Variants in IFT46 observed in about 807,000 individuals in gnomAD.
IFT46 encodes intraflagellar transport 46.
A neutral mutation model predicts 39.6 loss-of-function variants in IFT46; 19 were observed. The observed-to-expected ratio is 0.48, with a 90% CI of 0.33 to 0.70. The LOEUF is 0.70. Among genes scored for constraint, IFT46 ranks in the 30% least tolerant of loss-of-function variants. IFT46 has a pLI of 0.01. For synonymous variants in IFT46, 117 were observed against 134.8 expected (o/e 0.87, Z 0.91); for missense variants, 334 against 364.8 (o/e 0.92, Z 0.69).
intron 7 of IFT46, among the ~76,000 whole-genome samples, 157 bp downstream of exon 7, chr11:118,554,302 C>T (rs1395912516): frequency 2.0e-5 from 3 of 152,058 alleles, no homozygotes; most frequent in African/African-American, 4.8e-5. Flanking sequence ...ATGATCCACC[C>T]GCCTCGGCCT....
At chr11:118,557,754 C>T (rs1299810381) in intron 3 of IFT46, 11 of 1,614,006 alleles carry the variant, frequency 6.8e-6, no homozygotes, top group Middle Eastern at 1.7e-4. Context: ...GTGCTTCTGG[C>T]TCTCTCTGTA....
At chr11:118,548,254 T>G (rs1951741405) in intron 9 of IFT46, among the ~76,000 whole-genome samples, 2 of 151,250 alleles carry the variant, frequency 1.3e-5, no homozygotes, top group African/African-American at 4.9e-5. Flanking sequence ...CATACATATA[T>G]AAAATATTTT....
At chr11:118,571,291 CTAAA>C (rs1938330701) in intron 1 of IFT46, among the ~76,000 whole-genome samples, 1 of 152,170 alleles carries the variant, frequency 6.6e-6, no homozygotes, top group Non-Finnish European at 1.5e-5. Context: ...CTTTTTGTGA[CTAAA>C]TAATATTCCA....
At chr11:118,555,393 T>A in intron 4 of IFT46, 71 bp from the exon 5 acceptor site, 3 of 1,111,516 alleles carry the variant, frequency 2.7e-6, no homozygotes, top group Non-Finnish European at 4.1e-6. Flanking sequence ...TAGGTGCTGG[T>A]GTGTTACTGA....
intron 2 of IFT46, 161 bp from the exon 3 acceptor site, chr11:118,560,025 C>A: frequency 1.6e-6 from 1 of 607,116 alleles, no homozygotes; most frequent in South Asian, 2.1e-5. Flanking sequence ...CATGGCTCTG[C>A]CAGTTCAATT....
intron 8 of IFT46, 22 bp from the exon 9 acceptor site, chr11:118,551,874 T>G: frequency 6.2e-7 from 1 of 1,608,102 alleles, no homozygotes; most frequent in Non-Finnish European, 8.5e-7. Flanking sequence ...AAGGTAAATA[T>G]GAACAAGAAA....
At position 118,557,582 on chromosome 11, in the gene IFT46, G is replaced by A. The variant is rs112169372; in HGVS notation, c.46-537C>T. The stretch of plus-strand genomic sequence containing the variant: ...GTGCCCATCAAACCAGCAGTCCCAG[G>A]GACTATGGACTTTCCATTTTTGTTC... On this transcript the variant is annotated intron_variant, in intron 3 of 11. Coordinates refer to ENST00000264021, the MANE Select transcript of IFT46 (RefSeq NM_001168618.2). 2,734 of 849,350 alleles carry A rather than the reference G, an allele frequency of 3.2e-3. 48 individuals are homozygous for A. In the African/African-American group the frequency reaches 0.038, roughly 12 times the overall value. The allele number at this position is 849,350 out of a possible 1,614,324, so 52.6% of individuals were successfully genotyped here.
intron 9 of IFT46, among the ~76,000 whole-genome samples, chr11:118,548,367 C>A (rs1448644153): frequency 7.7e-6 from 1 of 129,788 alleles, no homozygotes; most frequent in African/African-American, 2.9e-5. Flanking sequence ...TCCATTACGA[C>A]TTTTTTTTTT....
chr11:118,546,091 T>C (rs369148375), intron 9 of IFT46: 10 of 718,318 alleles, frequency 1.4e-5, no homozygotes, highest in Non-Finnish European at 2.3e-5. Context: ...GGGTGGGCCT[T>C]AATCCAGTAT....
intron 4 of IFT46, 147 bp downstream of exon 4, chr11:118,556,759 T>C (rs1001620372): frequency 2.7e-5 from 25 of 925,134 alleles, no homozygotes; most frequent in Non-Finnish European, 2.3e-5. Context: ...CTCATTATTA[T>C]GTTGGGTTTC....
At chr11:118,571,935 A>C (rs1036235614) in intron 1 of IFT46, among the ~76,000 whole-genome samples, 2 of 152,036 alleles carry the variant, frequency 1.3e-5, no homozygotes, top group African/African-American at 2.4e-5. Flanking sequence ...TAAAAATACA[A>C]AAAACAGCCG....
Position 118,572,461 on chromosome 11 carries a change from C to T in IFT46, c.-133+135G>A. 2.0e-6 allele frequency: 3 copies of T among 1,471,502 alleles called. No individual in the cohort carries two copies. The South Asian group carries it at 3.6e-5, about 18-fold the overall frequency. The allele number at this position is 1,471,502 out of a possible 1,614,324, so 91.2% of individuals were successfully genotyped here. A position where few individuals can be genotyped will look rare whatever the true frequency, so the allele number is the denominator to read the frequency against. ...GTTCCTGTCAAGGGGGCAGCAGGTC[C>T]AGAGCTGCTGGTGCTCCCGTTCCCC... On this transcript the variant is annotated intron_variant, in intron 1 of 5. Coordinates refer to the IFT46 transcript ENST00000528378.
chr11:118,572,429 G>C, intron 1 of IFT46: 1 of 1,042,628 alleles, frequency 9.6e-7, no homozygotes, highest in South Asian at 1.9e-5. Flanking sequence ...GAGGCGAAGC[G>C]GCAGCGGTTC....
At chr11:118,572,358 C>CCCCCCCCCCCA in intron 1 of IFT46, 1 of 161,804 alleles carries the variant, frequency 6.2e-6, no homozygotes, top group South Asian at 2.0e-4. Context: ...GCCCCCCCCC[C>CCCCCCCCCCCA]CGCCCTTTGA....
intron 2 of IFT46, among the ~76,000 whole-genome samples, chr11:118,564,012 G>A (rs553115102): frequency 1.1e-3 from 171 of 151,700 alleles, no homozygotes; most frequent in Non-Finnish European, 2.0e-3. Context: ...GACCAGCCTG[G>A]CCAACATGGT....
chr11:118,575,512 T>C (rs782200173), upstream of IFT46, among the ~76,000 whole-genome samples: 1 of 152,106 alleles, frequency 6.6e-6, no homozygotes, highest in Non-Finnish European at 1.5e-5. Flanking sequence ...AAATTACTTT[T>C]CAAGTTTTAG....
At chr11:118,546,120 A>T (rs1229049585) in intron 9 of IFT46, 5 of 718,440 alleles carry the variant, frequency 7.0e-6, no homozygotes, top group Non-Finnish European at 1.3e-5. Context: ...TCCTTATAGG[A>T]AGAAGAAATC....
intron 2 of IFT46, 198 bp from the exon 3 acceptor site, chr11:118,560,062 T>C: frequency 1.8e-6 from 1 of 567,602 alleles, no homozygotes; most frequent in Non-Finnish European, 3.1e-6. Context: ...AACATTACTG[T>C]GCTTAAGGCA....
upstream of IFT46, among the ~76,000 whole-genome samples, chr11:118,576,142 A>G (rs879960036): frequency 6.6e-6 from 1 of 151,916 alleles, no homozygotes; most frequent in Non-Finnish European, 1.5e-5. Flanking sequence ...AAGGCAGAAC[A>G]GAAACCTAAT....
Sources: allele counts gnomAD v4.1 joint callset (sites outside exome capture counted in the v4.1 genomes callset), GRCh38; gene constraint gnomAD v4.1.1; transcripts MANE v1.5; gene names NCBI Gene and HGNC (gene_info 2026-07-23, HGNC 2026-07-21).